RASGEF1B: variants seen among roughly 807,000 people sequenced by gnomAD.
RASGEF1B encodes the protein RasGEF domain family member 1B.
A neutral mutation model predicts 65.7 loss-of-function variants in RASGEF1B; 30 were observed. The ratio of observed to expected loss-of-function variants is 0.46; its 90% CI spans 0.34 to 0.62. The LOEUF (loss-of-function observed/expected upper bound fraction) is 0.62. RASGEF1B is among the 20% of genes least tolerant of loss of function. RASGEF1B has a pLI of 0.01. For missense variants in RASGEF1B, 495 were observed against 580.1 expected, an observed-to-expected ratio of 0.85 and a Z score of 1.51; for synonymous variants, 175 against 194.8, an observed-to-expected ratio of 0.90 and a Z score of 0.85.
At chr4:81,465,130 T>TGA in intron 1 of RASGEF1B, among the ~76,000 whole-genome samples, 1 of 152,040 alleles carries the variant, frequency 6.6e-6, no homozygotes, top group East Asian at 1.9e-4. Context: ...TTCTTGTATT[T>TGA]TCAGGTAGTA....
rs748152922 is a variant in RASGEF1B, at chr4:81,466,758, C to CAA, written c.-7+5010_-7+5011dup. ...TGGGCGACAGAGCAAGCCTCCATGT[C>CAA]AAAAAAAAAAAAAAAGAAAGAAAGA... On this transcript the variant is annotated intron_variant, in intron 1 of 13. Transcript: ENST00000264400. Among the ~76,000 whole-genome samples, 353 of 57,590 alleles carry CAA rather than the reference C, an allele frequency of 6.1e-3. 14 individuals carry two copies. Among genetic ancestry groups the CAA allele is most frequent in the Middle Eastern group, 0.012 (1 of 84 alleles). The allele number at this position is 57,590 out of a possible 152,430, so 37.8% of individuals were successfully genotyped here.
chr4:81,453,785 T>C (rs1271727001), intron 4 of RASGEF1B: 1 of 152,164 alleles, frequency 6.6e-6, no homozygotes, highest in Non-Finnish European at 1.5e-5. Flanking sequence ...GATCACACAG[T>C]TTCAGAGCTG....
chr4:81,456,461 TC>T (rs1359268495), intron 4 of RASGEF1B, 189 bp downstream of exon 4: 2 of 713,256 alleles, frequency 2.8e-6, no homozygotes, highest in African/African-American at 3.5e-5. Context: ...CTAGATCATA[TC>T]CCTTTGAAGT....
At chr4:81,452,475 C>T (rs1722295667) in intron 4 of RASGEF1B, 1 of 152,058 alleles carries the variant, frequency 6.6e-6, no homozygotes, top group Non-Finnish European at 1.5e-5. Flanking sequence ...AGGTTGTTAG[C>T]AAAAAACTGC....
intron 4 of RASGEF1B, chr4:81,453,370 A>G (rs971245904): frequency 1.3e-5 from 2 of 152,186 alleles, no homozygotes; most frequent in African/African-American, 4.8e-5. Context: ...TTTTCATACA[A>G]CATCCGCACA....
Position 81,450,284 on chromosome 4 carries a change from G to A in RASGEF1B, c.439-2000C>T, listed in dbSNP as rs145492602. ...TGTAATCCCAGCACTTTGGGAGGCT[G>A]AGGCAAGAGGATCCCTTGAGCCCAG... On this transcript the variant is annotated intron_variant, in intron 4 of 13. Coordinates refer to ENST00000264400, the MANE Select transcript of RASGEF1B (RefSeq NM_152545.3). Among the ~76,000 whole-genome samples, 2 of 152,232 alleles carry A rather than the reference G, an allele frequency of 1.3e-5. 1 individual carries two copies. Among genetic ancestry groups the A allele is most frequent in the East Asian group, 3.9e-4 (2 of 5,168 alleles).
At chr4:81,450,739 C>G (rs1173726725) in intron 4 of RASGEF1B, among the ~76,000 whole-genome samples, 1 of 152,042 alleles carries the variant, frequency 6.6e-6, no homozygotes, top group Non-Finnish European at 1.5e-5. Flanking sequence ...CGGACACCTG[C>G]AGTCCCAGTT....
At chr4:81,433,047 T>C (rs1288945933) in intron 12 of RASGEF1B, among the ~76,000 whole-genome samples, 2 of 144,220 alleles carry the variant, frequency 1.4e-5, no homozygotes, top group Non-Finnish European at 3.0e-5. Context: ...ACCCTGTCTC[T>C]ACAAGAAAAA....
chr4:81,465,182 T>G (rs1387348321), intron 1 of RASGEF1B, among the ~76,000 whole-genome samples: 4 of 152,128 alleles, frequency 2.6e-5, no homozygotes, highest in Non-Finnish European at 5.9e-5. Flanking sequence ...TCATAATTAT[T>G]TTGGTTTGGG....
chr4:81,460,687 G>A (rs1378457909), intron 1 of RASGEF1B, among the ~76,000 whole-genome samples: 1 of 152,164 alleles, frequency 6.6e-6, no homozygotes, highest in Non-Finnish European at 1.5e-5. Flanking sequence ...GCAGGGGGCG[G>A]CCAGGGGTGG....
At chr4:81,463,279 T>A (rs1722706536) in intron 1 of RASGEF1B, among the ~76,000 whole-genome samples, 1 of 152,144 alleles carries the variant, frequency 6.6e-6, no homozygotes, top group South Asian at 2.1e-4. Context: ...CATGGTCTCA[T>A]CAAGACATAG....
chr4:81,465,896 G>T (rs1560712955), intron 1 of RASGEF1B, among the ~76,000 whole-genome samples: 1 of 152,136 alleles, frequency 6.6e-6, no homozygotes, highest in Non-Finnish European at 1.5e-5. Context: ...CACTTGGAAA[G>T]AGACAGAAAA....
chr4:81,435,582 C>A (rs1213382996), intron 10 of RASGEF1B, among the ~76,000 whole-genome samples: 1 of 144,628 alleles, frequency 6.9e-6, no homozygotes, highest in African/African-American at 2.6e-5. Context: ...CATTCTCCTG[C>A]CTCAGCCTCC....
At chr4:81,455,097 T>C (rs1312682591) in intron 4 of RASGEF1B, 1 of 152,276 alleles carries the variant, frequency 6.6e-6, no homozygotes, top group Non-Finnish European at 1.5e-5. Flanking sequence ...GGTTTTTAAA[T>C]TTTTCACTTA....
At chr4:81,451,957 TG>T (rs1456028768) in intron 4 of RASGEF1B, 2 of 152,200 alleles carry the variant, frequency 1.3e-5, no homozygotes, top group African/African-American at 4.8e-5. Flanking sequence ...AACCGCTGAA[TG>T]GGGGCAGCCT....
intron 13 of RASGEF1B, among the ~76,000 whole-genome samples, chr4:81,428,042 G>A (rs185264307): frequency 2.0e-5 from 3 of 152,130 alleles, no homozygotes; most frequent in East Asian, 1.9e-4. Flanking sequence ...TATATCTTGC[G>A]TAGGTTTATA....
chr4:81,437,040 G>T (rs559886020), intron 10 of RASGEF1B, among the ~76,000 whole-genome samples: 151 of 152,264 alleles, frequency 9.9e-4, no homozygotes, highest in African/African-American at 3.3e-3. Context: ...AGTAACAATA[G>T]TAAAAGTACA....
intron 2 of RASGEF1B, among the ~76,000 whole-genome samples, chr4:81,457,892 A>C (rs550821040): frequency 6.6e-6 from 1 of 152,352 alleles, no homozygotes; most frequent in East Asian, 1.9e-4. Flanking sequence ...ATCCTTCCTC[A>C]GGGAGCCAGG....
chr4:81,446,585 C>T (rs1482372846), intron 6 of RASGEF1B, among the ~76,000 whole-genome samples: 3 of 152,034 alleles, frequency 2.0e-5, no homozygotes, highest in Non-Finnish European at 4.4e-5. Flanking sequence ...AAGCATAGGA[C>T]AAAATTTTAG....
Sources: allele counts gnomAD v4.1 joint callset (sites outside exome capture counted in the v4.1 genomes callset), GRCh38; gene constraint gnomAD v4.1.1; transcripts MANE v1.5; gene names NCBI Gene and HGNC (gene_info 2026-07-23, HGNC 2026-07-21).